The following EIF4G3 variants were observed in gnomAD, a reference collection of about 807,000 sequenced individuals.
EIF4G3 encodes the protein eukaryotic translation initiation factor 4 gamma 3.
A neutral mutation model predicts 186.4 loss-of-function variants in EIF4G3; 34 were observed. The observed-to-expected ratio is 0.18, with a 90% CI of 0.14 to 0.24. The LOEUF (loss-of-function observed/expected upper bound fraction) is 0.24, where lower values mean the gene tolerates loss of function less well. Among genes scored for constraint, EIF4G3 ranks in the 10% least tolerant of loss-of-function variants. The probability of loss-of-function intolerance (pLI) is 1.00; values close to 1 mark genes in which losing one functional copy is unlikely to be tolerated. For missense variants in EIF4G3, 1,536 were observed against 1,948.5 expected, an observed-to-expected ratio of 0.79 and a Z score of 3.99; for synonymous variants, 673 against 679.5, an observed-to-expected ratio of 0.99 and a Z score of 0.15.
At chr1:21,170,606 G>A (rs2097942416) in intron 2 of EIF4G3, among the ~76,000 whole-genome samples, 2 of 152,246 alleles carry the variant, frequency 1.3e-5, no homozygotes, top group South Asian at 4.1e-4. Flanking sequence ...AGGAGGTGGA[G>A]GATGCAGTGA....
chr1:20,950,092 G>A lies in EIF4G3; in HGVS notation c.734C>T (p.Pro245Leu), dbSNP rs1379158149. Residue 245 changes from proline to leucine, a missense_variant, in exon 13 of 37, where the codon CCC (proline) becomes CTC (leucine). This residue lies in a region of EIF4G3 where 560 missense variants were observed against 547.8 expected (regional missense o/e 1.02). Coordinates refer to ENST00000602326, the MANE Select transcript of EIF4G3 (RefSeq NM_001391906.1). ...TPPQQLPSQV[P>L]EHSPVVYGTV... The stretch of plus-strand genomic sequence containing the variant: ...CCCATAAACCACAGGGCTGTGCTCG[G>A]GGACCTGGCTGGGCAGCTGCTGGGA... 1.9e-6 allele frequency: 3 copies of A among 1,594,166 alleles called. No individual in the cohort carries two copies. The highest frequency in any genetic ancestry group is 4.5e-5 in the East Asian group (2 of 44,352).
intron 18 of EIF4G3, among the ~76,000 whole-genome samples, chr1:20,892,104 A>G (rs993575398): frequency 2.6e-5 from 4 of 152,200 alleles, no homozygotes; most frequent in African/African-American, 9.6e-5. Flanking sequence ...CTACAAAGTG[A>G]CATTTGTTTT....
At chr1:20,989,326 C>G (rs1250157209) in intron 7 of EIF4G3, among the ~76,000 whole-genome samples, 2 of 150,844 alleles carry the variant, frequency 1.3e-5, no homozygotes, top group African/African-American at 4.9e-5. Context: ...GAAGTGGAGG[C>G]GGGTGGATCA....
chr1:20,990,547 C>T (rs2080852585), intron 7 of EIF4G3, among the ~76,000 whole-genome samples: 2 of 152,128 alleles, frequency 1.3e-5, no homozygotes, highest in Admixed American at 6.5e-5. Flanking sequence ...TGGCACATGC[C>T]TGTAATCTCA....
At chr1:20,947,652 G>C (rs1411243715) in intron 13 of EIF4G3, among the ~76,000 whole-genome samples, 1 of 152,104 alleles carries the variant, frequency 6.6e-6, no homozygotes. Context: ...AAGAAAGAGA[G>C]TTAGTTTTCT....
At chr1:20,844,552 T>C (rs1163072280) in intron 29 of EIF4G3, among the ~76,000 whole-genome samples, 1 of 152,094 alleles carries the variant, frequency 6.6e-6, no homozygotes, top group Non-Finnish European at 1.5e-5. Flanking sequence ...CATAAGACCT[T>C]TGTCGGGGGC....
At chr1:20,899,616 T>A (rs926573872) in intron 16 of EIF4G3, 81 bp downstream of exon 16, 3 of 1,506,444 alleles carry the variant, frequency 2.0e-6, no homozygotes, top group African/African-American at 2.8e-5. Flanking sequence ...CCATCCAGTA[T>A]CTCTCTAAAA....
intron 3 of EIF4G3, among the ~76,000 whole-genome samples, chr1:21,071,222 T>G (rs900343607): frequency 6.6e-6 from 1 of 152,064 alleles, no homozygotes; most frequent in African/African-American, 2.4e-5. Flanking sequence ...CTGGGCAACA[T>G]AGTGAGATCC....
At chr1:20,960,672 T>C (rs555858426) in intron 12 of EIF4G3, among the ~76,000 whole-genome samples, 2 of 152,074 alleles carry the variant, frequency 1.3e-5, no homozygotes, top group East Asian at 1.9e-4. Context: ...GGTGGGAGGA[T>C]TGCTTGAGCC....
intron 4 of EIF4G3, among the ~76,000 whole-genome samples, chr1:21,006,579 A>C (rs535693465): frequency 5.9e-5 from 9 of 152,342 alleles, no homozygotes; most frequent in African/African-American, 1.9e-4. Context: ...TTGGGGAGAT[A>C]AGAACACAAT....
intron 2 of EIF4G3, among the ~76,000 whole-genome samples, chr1:21,166,690 A>G (rs1314672510): frequency 6.6e-6 from 1 of 152,156 alleles, no homozygotes; most frequent in Non-Finnish European, 1.5e-5. Flanking sequence ...TGGAGATCGC[A>G]CCACTGTACT....
At chr1:21,134,770 G>C (rs1341753195) in intron 2 of EIF4G3, among the ~76,000 whole-genome samples, 1 of 152,184 alleles carries the variant, frequency 6.6e-6, no homozygotes, top group Non-Finnish European at 1.5e-5. Flanking sequence ...AGTGATCAAG[G>C]AGGGTACATG....
chr1:21,044,194 T>C (rs186153203), intron 4 of EIF4G3, among the ~76,000 whole-genome samples: 123 of 152,292 alleles, frequency 8.1e-4, no homozygotes, highest in African/African-American at 2.8e-3. Context: ...TTTTTTTAAG[T>C]TGATAATATG....
intron 12 of EIF4G3, among the ~76,000 whole-genome samples, chr1:20,968,259 A>G (rs570319659): frequency 2.6e-5 from 4 of 151,484 alleles, no homozygotes; most frequent in Non-Finnish European, 5.9e-5. Flanking sequence ...GGCTCACCAC[A>G]GCCTCCGTCT....
intron 2 of EIF4G3, among the ~76,000 whole-genome samples, chr1:21,118,085 TTTTA>T (rs2096860578): frequency 6.6e-6 from 1 of 152,324 alleles, no homozygotes; most frequent in South Asian, 2.1e-4. Flanking sequence ...ATCCCACTCC[TTTTA>T]TTTGAGAAGA....
At chr1:20,844,810 C>T (rs889411759) in intron 29 of EIF4G3, among the ~76,000 whole-genome samples, 1 of 151,666 alleles carries the variant, frequency 6.6e-6, no homozygotes, top group African/African-American at 2.4e-5. Flanking sequence ...CCAGCCTGGG[C>T]GACAAGAGCA....
intron 2 of EIF4G3, among the ~76,000 whole-genome samples, chr1:21,170,850 T>C (rs1264336017): frequency 6.6e-6 from 1 of 151,796 alleles, no homozygotes; most frequent in Non-Finnish European, 1.5e-5. Flanking sequence ...TAGCTAGGTG[T>C]GGTGGTACAC....
intron 4 of EIF4G3, among the ~76,000 whole-genome samples, chr1:21,042,109 C>A (rs1013674878): frequency 6.6e-6 from 1 of 151,852 alleles, no homozygotes; most frequent in African/African-American, 2.4e-5. Context: ...ACTTTAGCCT[C>A]CCAATCAGGT....
intron 30 of EIF4G3, among the ~76,000 whole-genome samples, chr1:20,830,926 G>C (rs1411176868): frequency 1.3e-5 from 2 of 152,116 alleles, no homozygotes; most frequent in Non-Finnish European, 2.9e-5. Context: ...TGAGTGTGCT[G>C]AAGCACCTAG....
Sources: allele counts gnomAD v4.1 joint callset (sites outside exome capture counted in the v4.1 genomes callset), GRCh38; gene constraint gnomAD v4.1.1; regional missense constraint gnomAD v4.1.1; transcripts MANE v1.5; gene names NCBI Gene and HGNC (gene_info 2026-07-23, HGNC 2026-07-21).